The following GPHN variants were observed in gnomAD, a reference collection of about 807,000 sequenced individuals.
GPHN encodes gephyrin.
GPHN carries 17 observed loss-of-function variants against 95.5 expected under a neutral mutation model. That is an observed-to-expected ratio of 0.18 (90% confidence interval 0.12 to 0.27). The LOEUF (loss-of-function observed/expected upper bound fraction) is 0.27, where lower values mean the gene tolerates loss of function less well. Ranked by LOEUF, GPHN falls within the 10% of genes least tolerant of loss-of-function variation. GPHN has a pLI of 1.00. For synonymous variants in GPHN, 320 were observed against 322.5 expected, an observed-to-expected ratio of 0.99 and a Z score of 0.08; for missense variants, 660 against 978.1, an observed-to-expected ratio of 0.67 and a Z score of 4.34.
intron 15 of GPHN, 50 bp downstream of exon 15, chr14:67,111,969 TC>T (rs763301915): frequency 2.0e-5 from 27 of 1,325,260 alleles, no homozygotes; most frequent in Non-Finnish European, 2.7e-5. Flanking sequence ...TTCTACATGA[TC>T]ATTTACTCAG....
intron 12 of GPHN, among the ~76,000 whole-genome samples, chr14:67,093,289 G>A (rs2077215267): frequency 6.6e-6 from 1 of 151,880 alleles, no homozygotes; most frequent in Non-Finnish European, 1.5e-5. Context: ...TTACCCCCTG[G>A]CCACTATTAG....
chr14:67,605,769 G>GCAA, the GPHN span, among the ~76,000 whole-genome samples: 1 of 151,836 alleles, frequency 6.6e-6, no homozygotes, highest in African/African-American at 2.4e-5. Context: ...TGCAACCTCT[G>GCAA]CCTCCTGGGA....
the GPHN span, among the ~76,000 whole-genome samples, chr14:67,598,833 C>G: frequency 3.9e-5 from 6 of 152,024 alleles, no homozygotes; most frequent in South Asian, 1.2e-3. Context: ...CCTGAGCCTT[C>G]CGAGTGGCTG....
downstream of GPHN, chr14:67,181,910 A>G (rs2083329822): frequency 6.1e-6 from 1 of 163,836 alleles, no homozygotes; most frequent in Non-Finnish European, 1.3e-5. Context: ...AAGAATATTT[A>G]AAATATGGTA....
intron 8 of GPHN, among the ~76,000 whole-genome samples, chr14:66,962,221 G>T (rs1273802512): frequency 6.6e-6 from 1 of 150,520 alleles, no homozygotes; most frequent in African/African-American, 2.4e-5. Flanking sequence ...TCTAGTATCT[G>T]TGTTGACATA....
At chr14:67,600,284 G>A in the GPHN span, 1 of 1,227,982 alleles carries the variant, frequency 8.1e-7, no homozygotes, top group Non-Finnish European at 1.1e-6. Context: ...CTCCAGACCC[G>A]CTTCCGGCAG....
intron 20 of GPHN, among the ~76,000 whole-genome samples, chr14:67,167,597 A>T (rs72717319): frequency 0.024 from 3,694 of 152,304 alleles, 69 homozygotes; most frequent in Non-Finnish European, 0.036. Flanking sequence ...ATAATAGGCT[A>T]AACTGACCAT....
the GPHN span, among the ~76,000 whole-genome samples, chr14:67,544,901 A>T: frequency 2.0e-5 from 3 of 152,338 alleles, no homozygotes; most frequent in African/African-American, 7.2e-5. Flanking sequence ...ATCAAGTAAG[A>T]TTCCATGAAA....
intron 9 of GPHN, among the ~76,000 whole-genome samples, chr14:67,011,811 TTG>T (rs2073028539): frequency 6.7e-6 from 1 of 149,692 alleles, no homozygotes; most frequent in African/African-American, 2.4e-5. Context: ...TATGTGTGTG[TTG>T]TGTGTATAAA....
At chr14:67,088,957 A>G in intron 11 of GPHN, 26 bp from the exon 12 acceptor site, 2 of 1,359,592 alleles carry the variant, frequency 1.5e-6, no homozygotes, top group South Asian at 1.2e-5. Flanking sequence ...CCATATTTAC[A>G]TTTTCCTTCT....
At chr14:67,010,642 T>A (rs1005597664) in intron 9 of GPHN, among the ~76,000 whole-genome samples, 27 of 151,138 alleles carry the variant, frequency 1.8e-4, no homozygotes, top group African/African-American at 7.3e-5. Flanking sequence ...ACATGGAAAA[T>A]TTTTTAAAAT....
intron 2 of GPHN, among the ~76,000 whole-genome samples, chr14:66,748,145 A>G (rs146848544): frequency 1.9e-3 from 290 of 152,224 alleles, no homozygotes; most frequent in African/African-American, 6.8e-3. Flanking sequence ...TACACTAAAT[A>G]TGTAAAAAAT....
At chr14:66,662,535 G>A (rs774075311) in intron 1 of GPHN, among the ~76,000 whole-genome samples, 76 of 152,188 alleles carry the variant, frequency 5.0e-4, no homozygotes, top group African/African-American at 1.5e-3. Context: ...GCACAAGAAC[G>A]CTGAAAACTC....
At chr14:67,434,018 A>C in the GPHN span, among the ~76,000 whole-genome samples, 25 of 152,242 alleles carry the variant, frequency 1.6e-4, no homozygotes, top group Admixed American at 1.3e-3. Flanking sequence ...AAACACAAAA[A>C]TGAAAGCCAC....
At chr14:66,788,208 C>T (rs573916922) in intron 3 of GPHN, among the ~76,000 whole-genome samples, 7 of 152,312 alleles carry the variant, frequency 4.6e-5, no homozygotes, top group Admixed American at 2.6e-4. Flanking sequence ...ACTCTGGAGG[C>T]TGAGGCGGGA....
At chr14:67,555,974 T>G in the GPHN span, 1 of 1,518,156 alleles carries the variant, frequency 6.6e-7, no homozygotes, top group African/African-American at 1.4e-5. Flanking sequence ...GGTGGACACA[T>G]ACATCACCAG....
chr14:66,531,977 A>G (rs1244875606), intron 1 of GPHN, among the ~76,000 whole-genome samples: 1 of 152,186 alleles, frequency 6.6e-6, no homozygotes, highest in Middle Eastern at 3.2e-3. Context: ...TGTATAAATG[A>G]ATGAGCATTA....
At chr14:67,003,145 A>G (rs942768649) in intron 9 of GPHN, among the ~76,000 whole-genome samples, 4 of 151,648 alleles carry the variant, frequency 2.6e-5, no homozygotes, top group Non-Finnish European at 4.4e-5. Flanking sequence ...TTAGTTATGC[A>G]CATAAACACA....
intron 8 of GPHN, among the ~76,000 whole-genome samples, chr14:66,938,862 T>A (rs576106971): frequency 6.6e-6 from 1 of 152,352 alleles, no homozygotes; most frequent in South Asian, 2.1e-4. Context: ...AAAAGAGTTT[T>A]GATCAGTATC....
Sources: gnomAD v4.1 joint callset for allele counts (sites outside exome capture counted in the v4.1 genomes callset) on GRCh38, gnomAD v4.1.1 for gene constraint, MANE v1.5 for transcripts, NCBI Gene and HGNC (gene_info 2026-07-23, HGNC 2026-07-21) for gene names.